SGCZ: variants seen among roughly 807,000 people sequenced by gnomAD.
The protein encoded by SGCZ is zeta-sarcoglycan.
SGCZ carries 40 observed loss-of-function variants against 41.3 expected under a neutral mutation model. The ratio of observed to expected loss-of-function variants is 0.97; its 90% CI spans 0.75 to 1.26. The LOEUF is 1.26. Ranked by LOEUF, SGCZ falls within the 50% of genes most tolerant of loss-of-function variation. The pLI, the probability that SGCZ is intolerant of heterozygous loss-of-function variation, is 0.00. For missense variants in SGCZ, 552 were observed against 369.8 expected, an observed-to-expected ratio of 1.49 and a Z score of -4.04; for synonymous variants, 206 against 137.5, an observed-to-expected ratio of 1.50 and a Z score of -3.49.
intron 1 of SGCZ, among the ~76,000 whole-genome samples, chr8:14,993,273 T>G (rs543073839): frequency 6.6e-6 from 1 of 152,308 alleles, no homozygotes; most frequent in African/African-American, 2.4e-5. Context: ...ATTTTATTAC[T>G]GCTGTATAAA....
At chr8:14,121,468 A>C (rs759153265) in intron 5 of SGCZ, among the ~76,000 whole-genome samples, 1 of 152,106 alleles carries the variant, frequency 6.6e-6, no homozygotes, top group Non-Finnish European at 1.5e-5. Flanking sequence ...CGTTTAATTA[A>C]TTGTTTTTAA....
At chr8:14,871,740 G>T (rs966319126) in intron 1 of SGCZ, among the ~76,000 whole-genome samples, 1 of 151,894 alleles carries the variant, frequency 6.6e-6, no homozygotes, top group African/African-American at 2.4e-5. Flanking sequence ...GGAGGCAGGG[G>T]TTGCAGTGAG....
intron 3 of SGCZ, among the ~76,000 whole-genome samples, chr8:14,277,706 C>T (rs573636030): frequency 1.3e-5 from 2 of 152,098 alleles, no homozygotes; most frequent in Non-Finnish European, 2.9e-5. Context: ...ATTGGCAAGA[C>T]ATAGAAGCTG....
intron 1 of SGCZ, among the ~76,000 whole-genome samples, chr8:15,164,478 C>T (rs975225500): frequency 1.6e-4 from 25 of 152,092 alleles, no homozygotes; most frequent in Admixed American, 4.6e-4. Context: ...GCTGCTGGAG[C>T]CCTCCCCAGC....
chr8:14,383,558 G>A (rs1804450035), intron 2 of SGCZ, among the ~76,000 whole-genome samples: 1 of 152,098 alleles, frequency 6.6e-6, no homozygotes, highest in South Asian at 2.1e-4. Flanking sequence ...ATGTTAAACA[G>A]CAAAAAAGAA....
intron 3 of SGCZ, among the ~76,000 whole-genome samples, chr8:14,313,576 T>C (rs1801615483): frequency 1.3e-5 from 2 of 152,190 alleles, no homozygotes; most frequent in South Asian, 4.1e-4. Context: ...CCTCAAGTGG[T>C]CCACCTTCCT....
intron 1 of SGCZ, among the ~76,000 whole-genome samples, chr8:15,038,060 C>G (rs1158488084): frequency 6.6e-6 from 1 of 150,826 alleles, no homozygotes; most frequent in Non-Finnish European, 1.5e-5. Flanking sequence ...ATTGCAATCC[C>G]TATCAAAATT....
At chr8:14,371,673 G>T (rs1585417611) in intron 2 of SGCZ, among the ~76,000 whole-genome samples, 1 of 152,044 alleles carries the variant, frequency 6.6e-6, no homozygotes, top group African/African-American at 2.4e-5. Flanking sequence ...AAATCAATCA[G>T]TTAACCAGCC....
intron 1 of SGCZ, among the ~76,000 whole-genome samples, chr8:14,824,796 G>A (rs954368249): frequency 1.3e-5 from 2 of 151,952 alleles, no homozygotes; most frequent in Non-Finnish European, 2.9e-5. Context: ...AATTTTCAGC[G>A]ATGTAGTATA....
At chr8:14,801,278 C>A (rs536326335) in intron 1 of SGCZ, among the ~76,000 whole-genome samples, 26 of 152,252 alleles carry the variant, frequency 1.7e-4, no homozygotes, top group African/African-American at 6.0e-4. Context: ...CAAATATATG[C>A]ATATGCTACT....
At chr8:14,322,894 T>C (rs1433573876) in intron 3 of SGCZ, among the ~76,000 whole-genome samples, 2 of 152,154 alleles carry the variant, frequency 1.3e-5, no homozygotes, top group Non-Finnish European at 2.9e-5. Context: ...AACCAGGCTT[T>C]TTGTTTCCGC....
chr8:15,095,232 G>T (rs966285972), intron 1 of SGCZ, among the ~76,000 whole-genome samples: 1 of 152,102 alleles, frequency 6.6e-6, no homozygotes, highest in Non-Finnish European at 1.5e-5. Flanking sequence ...CCAAGTAACT[G>T]GGATTACAGT....
At chr8:14,855,400 T>C (rs916578688) in intron 1 of SGCZ, among the ~76,000 whole-genome samples, 5 of 152,146 alleles carry the variant, frequency 3.3e-5, no homozygotes, top group Non-Finnish European at 5.9e-5. Flanking sequence ...TCGTGCTCAC[T>C]ATATACCTAG....
intron 1 of SGCZ, among the ~76,000 whole-genome samples, chr8:14,968,826 C>A (rs188814853): frequency 6.6e-6 from 1 of 152,080 alleles, no homozygotes; most frequent in South Asian, 2.1e-4. Context: ...TCGGTAACAA[C>A]TGGAGGCCAA....
intron 1 of SGCZ, among the ~76,000 whole-genome samples, chr8:14,893,007 G>C (rs1003055195): frequency 2.0e-5 from 3 of 152,164 alleles, no homozygotes; most frequent in African/African-American, 7.2e-5. Flanking sequence ...GCAGAAGAAT[G>C]ACAGACGTCT....
intron 1 of SGCZ, among the ~76,000 whole-genome samples, chr8:14,869,285 T>A (rs184297963): frequency 1.5e-3 from 230 of 152,274 alleles, no homozygotes; most frequent in Non-Finnish European, 2.4e-3. Flanking sequence ...TGGTTTAACA[T>A]ATGCAAATCA....
intron 3 of SGCZ, among the ~76,000 whole-genome samples, chr8:14,246,105 C>T (rs556390451): frequency 6.6e-6 from 1 of 152,150 alleles, no homozygotes; most frequent in African/African-American, 2.4e-5. Context: ...GGGTATATAC[C>T]CAAAGGATTA....
intron 2 of SGCZ, among the ~76,000 whole-genome samples, chr8:14,420,069 C>G (rs1157063891): frequency 6.6e-6 from 1 of 151,998 alleles, no homozygotes; most frequent in African/African-American, 2.4e-5. Context: ...CTATATTAAT[C>G]TCATTCTATT....
rs1801530614 is a variant in SGCZ at position 14,086,663 on chromosome 8, A to AT, written c.*3779dup. ...ATTATTTTCCTTTTTAACGTCAACC[A>AT]TATTACTGAATCCTGTTAACCAGGC... On this transcript the variant is annotated 3_prime_UTR_variant, in exon 8 of 8. Coordinates refer to ENST00000382080, the MANE Select transcript of SGCZ (RefSeq NM_139167.4). Among the ~76,000 whole-genome samples the AT allele has an allele frequency of 6.6e-6, 1 of 151,710 alleles. No homozygotes were observed. The highest frequency in any genetic ancestry group is 1.5e-5 in the Non-Finnish European group (1 of 67,738).
Sources: gnomAD v4.1 joint callset for allele counts (sites outside exome capture counted in the v4.1 genomes callset) on GRCh38, gnomAD v4.1.1 for gene constraint, MANE v1.5 for transcripts, NCBI Gene and HGNC (gene_info 2026-07-23, HGNC 2026-07-21) for gene names.